The following CD2AP variants were observed in gnomAD, a reference collection of about 807,000 sequenced individuals.
CD2AP encodes the protein CD2-associated protein.
Under a neutral mutation model 85.1 loss-of-function variants are expected in CD2AP, and 46 were observed. That is an observed-to-expected ratio of 0.54 (90% CI 0.43 to 0.69). The LOEUF is 0.69. Ranked by LOEUF, CD2AP falls within the 30% of genes least tolerant of loss-of-function variation. CD2AP has a pLI of 0.00. For missense variants in CD2AP, 769 were observed against 729.5 expected, an observed-to-expected ratio of 1.05 and a Z score of -0.62; for synonymous variants, 255 against 252.9, an observed-to-expected ratio of 1.01 and a Z score of -0.08.
chr6:47,513,562 G>C (rs1174294419), intron 2 of CD2AP, among the ~76,000 whole-genome samples: 1 of 151,762 alleles, frequency 6.6e-6, no homozygotes, highest in East Asian at 1.9e-4. Flanking sequence ...CTCCCAGAAT[G>C]CATGGTGTTT....
In CD2AP at chr6:47,575,365, T is replaced by C. The variant is rs562499841; in HGVS notation, c.729+1114T>C. ...AGCTTAGGATTATATTGAATAACTTTAGTTGATTAATGATTATATTATCTT... is the reference window on the plus strand; with the variant it reads ...AGCTTAGGATTATATTGAATAACTTCAGTTGATTAATGATTATATTATCTT... On this transcript the variant is annotated intron_variant, in intron 6 of 17. Transcript: ENST00000359314. Among the ~76,000 whole-genome samples, 5 of 152,344 alleles carry C rather than the reference T, an allele frequency of 3.3e-5. 1 individual carries two copies. The South Asian group carries it at 8.3e-4, about 25-fold the overall frequency.
chr6:47,593,188 A>AT (rs1247550071), intron 11 of CD2AP, among the ~76,000 whole-genome samples: 1 of 152,144 alleles, frequency 6.6e-6, no homozygotes. Flanking sequence ...AGAGAAAAGT[A>AT]TTTTGTTCTT....
At chr6:47,605,385 G>A (rs1046114039) in intron 13 of CD2AP, among the ~76,000 whole-genome samples, 2 of 152,018 alleles carry the variant, frequency 1.3e-5, no homozygotes, top group Non-Finnish European at 2.9e-5. Flanking sequence ...AAAAGGCAAA[G>A]TATTATATAT....
intron 4 of CD2AP, among the ~76,000 whole-genome samples, chr6:47,548,040 T>G (rs1452370583): frequency 6.6e-6 from 1 of 152,086 alleles, no homozygotes; most frequent in African/African-American, 2.4e-5. Flanking sequence ...AGAGGAAAGT[T>G]AATAACCTAA....
At chr6:47,543,694 G>A (rs1767292150) in intron 3 of CD2AP, among the ~76,000 whole-genome samples, 1 of 152,184 alleles carries the variant, frequency 6.6e-6, no homozygotes, top group South Asian at 2.1e-4. Flanking sequence ...TATCTCATTA[G>A]GGTGTTACCC....
intron 15 of CD2AP, among the ~76,000 whole-genome samples, 198 bp downstream of exon 15, chr6:47,608,226 T>G (rs1769329570): frequency 6.6e-6 from 1 of 152,176 alleles, no homozygotes; most frequent in African/African-American, 2.4e-5. Context: ...ACATTTTAAT[T>G]GAATAAAATA....
chr6:47,525,642 T>G (rs1366958122), intron 2 of CD2AP, among the ~76,000 whole-genome samples: 1 of 152,202 alleles, frequency 6.6e-6, no homozygotes, highest in Non-Finnish European at 1.5e-5. Flanking sequence ...GTTGTTTGTT[T>G]TGGTTAATAC....
chr6:47,544,589 T>A lies in CD2AP; in HGVS notation c.320-17T>A. The A allele has an allele frequency of 1.4e-6, 2 of 1,459,198 alleles. No individual in the cohort carries two copies. Among genetic ancestry groups the A allele is most frequent in the Non-Finnish European group, 1.9e-6 (2 of 1,039,652 alleles). 90.4% of individuals were successfully genotyped at this position (1,459,198 alleles called of 1,614,324 possible). A position where few individuals can be genotyped will look rare whatever the true frequency, so the allele number is the denominator to read the frequency against. On this transcript the variant is annotated splice_polypyrimidine_tract_variant and intron_variant, in intron 3 of 17. Coordinates refer to ENST00000359314, the MANE Select transcript of CD2AP (RefSeq NM_012120.3). ...GATCATTCTTAATCTAATTTCTTAT[T>A]ATGTTACTTTCTTTAGAGACCAAGA...
At chr6:47,601,444 A>G (rs529738645) in intron 13 of CD2AP, among the ~76,000 whole-genome samples, 4 of 151,992 alleles carry the variant, frequency 2.6e-5, no homozygotes, top group Non-Finnish European at 5.9e-5. Context: ...TAGGCCCTGT[A>G]AAGTTCAGAA....
intron 2 of CD2AP, among the ~76,000 whole-genome samples, chr6:47,526,136 A>G (rs1753836345): frequency 6.6e-6 from 1 of 152,194 alleles, no homozygotes; most frequent in South Asian, 2.1e-4. Context: ...CTTAGGTACT[A>G]GGTAAAGTTT....
chr6:47,528,067 T>TCTAATACAGATATATCATTC (rs1766776218), intron 2 of CD2AP, among the ~76,000 whole-genome samples: 1 of 152,250 alleles, frequency 6.6e-6, no homozygotes, highest in Admixed American at 6.5e-5. Context: ...AGATATCATT[T>TCTAATACAGATATATCATTC]CTAATACAGA....
At chr6:47,623,319 A>G (rs1256867361) in intron 17 of CD2AP, among the ~76,000 whole-genome samples, 2 of 152,250 alleles carry the variant, frequency 1.3e-5, no homozygotes, top group Non-Finnish European at 2.9e-5. Context: ...AGGTGATGCC[A>G]TCAGGATAAG....
At chr6:47,620,210 C>A (rs1337403867) in intron 17 of CD2AP, among the ~76,000 whole-genome samples, 4 of 152,156 alleles carry the variant, frequency 2.6e-5, no homozygotes, top group Non-Finnish European at 5.9e-5. Flanking sequence ...GGTTTAAGTC[C>A]TTAATCCATC....
At chr6:47,478,308 G>T in intron 1 of CD2AP, 60 bp downstream of exon 1, 13 of 1,554,788 alleles carry the variant, frequency 8.4e-6, no homozygotes, top group Non-Finnish European at 1.1e-5. Flanking sequence ...GGGAGGCTGT[G>T]CCCTTTCTCG....
rs1251426094 is a variant in CD2AP at position 47,582,040 on chromosome 6, T to C, written c.1083T>C (p.Tyr361=). 1 of 1,607,548 alleles carries C rather than the reference T, an allele frequency of 6.2e-7. No individual in the cohort carries two copies. Among genetic ancestry groups the C allele is most frequent in the Non-Finnish European group, 8.5e-7 (1 of 1,174,198 alleles). Residue 361 remains tyrosine (Y), a synonymous_variant, in exon 11 of 18, where the codon TAT becomes TAC. Coordinates refer to ENST00000359314, the MANE Select transcript of CD2AP (RefSeq NM_012120.3). The stretch of plus-strand genomic sequence containing the variant: ...AACTGATAGCTGCAGAGAAGAAATA[T>C]TTTTCTTTAAAGCCTGAAGAAAAGG... ...KPELIAAEKK[Y]FSLKPEEKDE...
intron 1 of CD2AP, among the ~76,000 whole-genome samples, chr6:47,490,764 T>G (rs1285660111): frequency 6.6e-6 from 1 of 152,192 alleles, no homozygotes; most frequent in Non-Finnish European, 1.5e-5. Context: ...ATATCAAATT[T>G]CCTTCTCTTT....
chr6:47,615,674 A>G (rs751941123), intron 17 of CD2AP, among the ~76,000 whole-genome samples: 2 of 152,160 alleles, frequency 1.3e-5, no homozygotes, highest in African/African-American at 2.4e-5. Flanking sequence ...CCCACCTCCA[A>G]CACTGGGGAT....
chr6:47,583,249 C>T (rs916929622), intron 11 of CD2AP, among the ~76,000 whole-genome samples: 2 of 152,098 alleles, frequency 1.3e-5, no homozygotes, highest in African/African-American at 4.8e-5. Flanking sequence ...AATCAGTGAG[C>T]CTTCCTACAT....
intron 2 of CD2AP, among the ~76,000 whole-genome samples, chr6:47,505,620 G>T (rs1481263541): frequency 2.5e-4 from 32 of 130,314 alleles, no homozygotes; most frequent in African/African-American, 8.1e-4. Flanking sequence ...CGGGCGGGGG[G>T]GGCTGACCCC....
Sources: gnomAD v4.1 joint callset for allele counts (sites outside exome capture counted in the v4.1 genomes callset) on GRCh38, gnomAD v4.1.1 for gene constraint, MANE v1.5 for transcripts, NCBI Gene and HGNC (gene_info 2026-07-23, HGNC 2026-07-21) for gene names.